The following NEO1 variants were observed in gnomAD, a reference collection of about 807,000 sequenced individuals.
NEO1 encodes the protein neogenin.
NEO1 carries 63 observed loss-of-function variants against 159.7 expected under a neutral mutation model. The observed-to-expected ratio is 0.39, with a 90% confidence interval of 0.32 to 0.49. The LOEUF (loss-of-function observed/expected upper bound fraction) is 0.49, where lower values mean the gene tolerates loss of function less well. Ranked by LOEUF, NEO1 falls within the 20% of genes least tolerant of loss-of-function variation. The pLI, the probability that NEO1 is intolerant of heterozygous loss-of-function variation, is 0.85. For missense variants in NEO1, 1,615 were observed against 1,831.0 expected, an observed-to-expected ratio of 0.88 and a Z score of 2.15; for synonymous variants, 633 against 662.0, an observed-to-expected ratio of 0.96 and a Z score of 0.67.
chr15:73,161,845 A>G (rs2034203388), intron 5 of NEO1: 2 of 241,536 alleles, frequency 8.3e-6, no homozygotes, highest in East Asian at 1.0e-4. Context: ...AATTCTTTAT[A>G]TAATTGACGA....
At position 73,135,934 on chromosome 15, in the gene NEO1, A is replaced by G. The variant is rs1168054675; in HGVS notation, c.922A>G (p.Ser308Gly). The change falls in exon 5 of 29, where the codon AGT becomes GGT. Residue 308 changes from serine to glycine, a missense_variant. Around this residue, in one of 3 missense-constraint regions of NEO1, gnomAD observed 1,018 missense variants for 1,115.4 expected, o/e 0.91. Transcript: ENST00000261908. ...VLLAGGSLEI[S>G]DVTEDDAGTY... The stretch of plus-strand genomic sequence containing the variant: ...GCTGGCAGGTGGTAGCCTGGAGATC[A>G]GTGATGTTACTGAGGATGATGCTGG... 9 of 1,604,484 alleles carry G rather than the reference A, an allele frequency of 5.6e-6. No individual in the cohort carries two copies. Among genetic ancestry groups the G allele is most frequent in the Non-Finnish European group, 7.6e-6 (9 of 1,177,416 alleles).
chr15:73,146,927 A>G (rs1432058007), intron 5 of NEO1, among the ~76,000 whole-genome samples: 1 of 152,320 alleles, frequency 6.6e-6, no homozygotes, highest in African/African-American at 2.4e-5. Context: ...AATGACCCCA[A>G]TGAGGAAGCT....
intron 6 of NEO1, among the ~76,000 whole-genome samples, chr15:73,176,952 G>A (rs1001944342): frequency 2.3e-4 from 35 of 152,064 alleles, no homozygotes; most frequent in Admixed American, 2.2e-3. Flanking sequence ...CTTGAAGTGT[G>A]GAAAGATGAT....
chr15:73,243,320 T>C (rs1399191647), intron 8 of NEO1, among the ~76,000 whole-genome samples: 2 of 152,180 alleles, frequency 1.3e-5, no homozygotes, highest in Non-Finnish European at 2.9e-5. Context: ...CTACACAAAT[T>C]TTAATCTGCA....
At chr15:73,226,305 CA>C (rs1435959313) in intron 7 of NEO1, among the ~76,000 whole-genome samples, 1 of 152,208 alleles carries the variant, frequency 6.6e-6, no homozygotes, top group Non-Finnish European at 1.5e-5. Context: ...GTCGGAGCTG[CA>C]GTCTAGTCCT....
intron 10 of NEO1, 129 bp downstream of exon 10, chr15:73,249,337 A>G (rs1469490713): frequency 2.8e-5 from 32 of 1,131,772 alleles, no homozygotes; most frequent in Non-Finnish European, 3.8e-5. Context: ...AAAAGTTGAC[A>G]GATTCTATTT....
chr15:73,197,244 A>G (rs1394550127), intron 7 of NEO1, among the ~76,000 whole-genome samples: 1 of 152,120 alleles, frequency 6.6e-6, no homozygotes, highest in Non-Finnish European at 1.5e-5. Flanking sequence ...CTGTAGTCCC[A>G]GCTGCTGGGG....
intron 9 of NEO1, 31 bp downstream of exon 9, chr15:73,244,529 CT>C: frequency 1.2e-6 from 2 of 1,607,872 alleles, no homozygotes; most frequent in Non-Finnish European, 1.7e-6. Flanking sequence ...TCAGCACCCC[CT>C]AGAGGTAGAC....
At chr15:73,218,214 A>G (rs1269231521) in intron 7 of NEO1, among the ~76,000 whole-genome samples, 3 of 151,900 alleles carry the variant, frequency 2.0e-5, no homozygotes, top group Non-Finnish European at 4.4e-5. Context: ...TTCTGTTTAT[A>G]TGCTGGATTA....
intron 1 of NEO1, among the ~76,000 whole-genome samples, chr15:73,105,214 A>G (rs1374895561): frequency 1.3e-5 from 2 of 152,208 alleles, no homozygotes; most frequent in African/African-American, 4.8e-5. Flanking sequence ...CTTAAAGGAT[A>G]AACAGAAAAG....
At chr15:73,252,301 G>A (rs756168516) in intron 11 of NEO1, among the ~76,000 whole-genome samples, 1 of 152,174 alleles carries the variant, frequency 6.6e-6, no homozygotes, top group African/African-American at 2.4e-5. Context: ...AAACAAATCC[G>A]GTTTACTTTG....
At chr15:73,166,538 AT>A (rs1223330251) in intron 5 of NEO1, among the ~76,000 whole-genome samples, 1 of 152,174 alleles carries the variant, frequency 6.6e-6, no homozygotes, top group African/African-American at 2.4e-5. Flanking sequence ...GCAGGGGGAA[AT>A]TTCAGGAAGG....
At chr15:73,138,465 A>AG (rs1188720965) in intron 5 of NEO1, among the ~76,000 whole-genome samples, 2 of 152,350 alleles carry the variant, frequency 1.3e-5, no homozygotes, top group East Asian at 3.9e-4. Flanking sequence ...TTTAAAACAA[A>AG]GGGGGAGTTG....
chr15:73,265,767 T>A (rs1038780399), intron 15 of NEO1, among the ~76,000 whole-genome samples: 4 of 152,172 alleles, frequency 2.6e-5, no homozygotes, highest in African/African-American at 9.7e-5. Context: ...GAAAAGCAGC[T>A]GTTTTAAGCT....
At chr15:73,248,470 C>A (rs2150931692) in intron 9 of NEO1, among the ~76,000 whole-genome samples, 1 of 152,294 alleles carries the variant, frequency 6.6e-6, no homozygotes, top group African/African-American at 2.4e-5. Context: ...TTTGTATATT[C>A]TCCCTATTGA....
rs1432847421 is a variant in NEO1 at position 73,116,596 on chromosome 15, C to T, written c.187C>T (p.Leu63Phe). 2 of 1,592,986 alleles carry T rather than the reference C, an allele frequency of 1.3e-6. No homozygotes were observed. Among genetic ancestry groups the T allele is most frequent in the Non-Finnish European group, 1.7e-6 (2 of 1,172,458 alleles). ...TTTTCTGGTGGAGCCGGTGGATACA[C>T]TCTCAGTTAGAGGCTCTTCTGTTAT... is the stretch of plus-strand genomic sequence containing the variant. ...FYFLVEPVDT[L>F]SVRGSSVILN... The change falls in exon 2 of 29, where the codon CTC becomes TTC. Residue 63 changes from leucine to phenylalanine, a missense_variant. This residue lies in a region of NEO1 where 1,018 missense variants were observed against 1,115.4 expected (regional missense o/e 0.91). Transcript: ENST00000261908.
chr15:73,129,186 A>T (rs2030741540), intron 4 of NEO1, among the ~76,000 whole-genome samples: 1 of 152,192 alleles, frequency 6.6e-6, no homozygotes, highest in African/African-American at 2.4e-5. Flanking sequence ...TGAATAACCC[A>T]AAGTAATGTT....
chr15:73,137,908 C>CT (rs1274097829), intron 5 of NEO1, among the ~76,000 whole-genome samples: 3 of 152,016 alleles, frequency 2.0e-5, no homozygotes, highest in Non-Finnish European at 4.4e-5. Context: ...GGAGTAAAAT[C>CT]TAAGAGATAC....
intron 7 of NEO1, among the ~76,000 whole-genome samples, chr15:73,230,011 CT>C: frequency 6.6e-6 from 1 of 152,018 alleles, no homozygotes; most frequent in Non-Finnish European, 1.5e-5. Context: ...TGTCGTGTTT[CT>C]TTCTTTTCTT....
Sources: allele counts gnomAD v4.1 joint callset (sites outside exome capture counted in the v4.1 genomes callset), GRCh38; gene constraint gnomAD v4.1.1; regional missense constraint gnomAD v4.1.1; transcripts MANE v1.5; gene names NCBI Gene and HGNC (gene_info 2026-07-23, HGNC 2026-07-21).